The following NEGR1 variants were observed in gnomAD, a reference collection of about 807,000 sequenced individuals.
The protein encoded by NEGR1 is neuronal growth regulator 1.
A neutral mutation model predicts 40.9 loss-of-function variants in NEGR1; 10 were observed. That is an observed-to-expected ratio of 0.24 (90% CI 0.15 to 0.42). The LOEUF (loss-of-function observed/expected upper bound fraction) is 0.42. Ranked by LOEUF, NEGR1 falls within the 10% of genes least tolerant of loss-of-function variation. The probability of loss-of-function intolerance (pLI) is 1.00; values close to 1 mark genes in which losing one functional copy is unlikely to be tolerated. For missense variants in NEGR1, 352 were observed against 438.9 expected (o/e 0.80, Z 1.77); for synonymous variants, 185 against 166.8 (o/e 1.11, Z -0.84).
At chr1:71,424,666 G>A (rs1303338436) in intron 6 of NEGR1, among the ~76,000 whole-genome samples, 1 of 152,142 alleles carries the variant, frequency 6.6e-6, no homozygotes, top group South Asian at 2.1e-4. Context: ...ACCCAGAGAG[G>A]AGTTGGCCTT....
At chr1:72,137,695 C>A (rs112877838) in intron 1 of NEGR1, among the ~76,000 whole-genome samples, 34,238 of 151,956 alleles carry the variant, frequency 0.23, 4,411 homozygotes, top group Non-Finnish European at 0.29. Context: ...AACAAACCTG[C>A]ACATGTACCC....
chr1:72,281,748 AAG>A (rs1656260873), intron 1 of NEGR1, among the ~76,000 whole-genome samples: 1 of 152,132 alleles, frequency 6.6e-6, no homozygotes, highest in Non-Finnish European at 1.5e-5. Context: ...AAGGTATGAA[AAG>A]AGATATTGGA....
intron 4 of NEGR1, among the ~76,000 whole-genome samples, chr1:71,688,309 C>CATATATAT (rs373700339): frequency 0.15 from 5,955 of 40,898 alleles, 819 homozygotes; most frequent in East Asian, 0.38. Flanking sequence ...TTTCCCTTTT[C>CATATATAT]ATATATATAT....
intron 1 of NEGR1, among the ~76,000 whole-genome samples, chr1:72,133,933 A>C (rs1271360026): frequency 1.3e-5 from 2 of 151,922 alleles, no homozygotes; most frequent in African/African-American, 2.4e-5. Flanking sequence ...TTTAATTTTT[A>C]AATTTGATGA....
chr1:71,921,452 C>A (rs1417084796), intron 2 of NEGR1, among the ~76,000 whole-genome samples: 1 of 152,026 alleles, frequency 6.6e-6, no homozygotes, highest in Non-Finnish European at 1.5e-5. Flanking sequence ...ACAGCAGGAC[C>A]AACCCCTCTT....
intron 2 of NEGR1, among the ~76,000 whole-genome samples, chr1:71,857,457 C>CA (rs34177437): frequency 0.33 from 25,389 of 77,696 alleles, 3,167 homozygotes; most frequent in East Asian, 0.45. Flanking sequence ...ACAAAAAATA[C>CA]AAAAAAAAAA....
At chr1:72,188,880 G>T (rs1008707254) in intron 1 of NEGR1, among the ~76,000 whole-genome samples, 3 of 151,470 alleles carry the variant, frequency 2.0e-5, no homozygotes, top group Non-Finnish European at 4.4e-5. Flanking sequence ...GCCAGCTCTG[G>T]ATTGCAGATA....
chr1:71,638,883 T>C (rs958600497), intron 4 of NEGR1, among the ~76,000 whole-genome samples: 2 of 151,930 alleles, frequency 1.3e-5, no homozygotes, highest in Non-Finnish European at 2.9e-5. Context: ...AATATGTCAC[T>C]AGATAATAAC....
At chr1:71,566,175 C>A (rs1648612777) in intron 6 of NEGR1, among the ~76,000 whole-genome samples, 1 of 152,000 alleles carries the variant, frequency 6.6e-6, no homozygotes, top group Admixed American at 6.6e-5. Flanking sequence ...TTGTTTTGAA[C>A]CACCCAGTTT....
intron 1 of NEGR1, among the ~76,000 whole-genome samples, chr1:72,046,594 C>A (rs1162007020): frequency 6.6e-6 from 1 of 151,544 alleles, no homozygotes; most frequent in Non-Finnish European, 1.5e-5. Context: ...ATGAAATAAT[C>A]TTTAGTTATT....
chr1:71,798,875 T>A (rs553110198), intron 2 of NEGR1, among the ~76,000 whole-genome samples: 2 of 152,160 alleles, frequency 1.3e-5, no homozygotes, highest in South Asian at 4.1e-4. Flanking sequence ...AGTGCACCTA[T>A]GAATGCATTC....
Position 72,235,180 on chromosome 1 carries a change from C to T in NEGR1, c.176+47139G>A, listed in dbSNP as rs970089611. 3.3e-5 allele frequency among the ~76,000 whole-genome samples: 5 copies of T among 152,022 alleles called. No homozygotes were observed. In the South Asian group the frequency reaches 6.2e-4, roughly 19 times the overall value. ...ATAAATAGTGGGAGAAAGGTATCAC[C>T]GCAAATTTCAGAAGACAGAAGATTG... On this transcript the variant is annotated intron_variant, in intron 1 of 6. Transcript: ENST00000357731.
chr1:71,693,304 A>T (rs1438194991), intron 4 of NEGR1, among the ~76,000 whole-genome samples: 1 of 151,694 alleles, frequency 6.6e-6, no homozygotes, highest in East Asian at 1.9e-4. Flanking sequence ...TTGTGAGGCA[A>T]ACCTAATATC....
intron 2 of NEGR1, among the ~76,000 whole-genome samples, chr1:71,849,638 T>C (rs1055244406): frequency 1.7e-4 from 26 of 152,110 alleles, no homozygotes; most frequent in Admixed American, 1.7e-3. Flanking sequence ...TTGAATACTA[T>C]AGAGAAATAT....
chr1:71,424,121 TAAAC>T (rs1447872230), intron 6 of NEGR1, among the ~76,000 whole-genome samples: 1 of 151,878 alleles, frequency 6.6e-6, no homozygotes, highest in Non-Finnish European at 1.5e-5. Flanking sequence ...TGTCATTTGA[TAAAC>T]AAATTCTCAC....
intron 6 of NEGR1, among the ~76,000 whole-genome samples, chr1:71,545,688 A>T (rs1647871838): frequency 6.6e-6 from 1 of 151,490 alleles, no homozygotes; most frequent in South Asian, 2.1e-4. Flanking sequence ...TATGGATCTG[A>T]TAAGCGACAA....
chr1:72,169,952 T>C (rs1173776223), intron 1 of NEGR1, among the ~76,000 whole-genome samples: 1 of 152,166 alleles, frequency 6.6e-6, no homozygotes, highest in African/African-American at 2.4e-5. Context: ...AAGTATGTGA[T>C]CATTAATACC....
At chr1:71,506,196 G>A (rs545348823) in intron 6 of NEGR1, among the ~76,000 whole-genome samples, 7 of 152,116 alleles carry the variant, frequency 4.6e-5, no homozygotes, top group South Asian at 2.1e-4. Flanking sequence ...CCAATCCCTC[G>A]CAATGGTCCC....
chr1:72,130,212 C>G (rs1570012043), intron 1 of NEGR1, among the ~76,000 whole-genome samples: 1 of 152,090 alleles, frequency 6.6e-6, no homozygotes, highest in Non-Finnish European at 1.5e-5. Flanking sequence ...AGTGATCCAG[C>G]GAGCTGCATG....
Sources: allele counts gnomAD v4.1 joint callset (sites outside exome capture counted in the v4.1 genomes callset), GRCh38; gene constraint gnomAD v4.1.1; transcripts MANE v1.5; gene names NCBI Gene and HGNC (gene_info 2026-07-23, HGNC 2026-07-21).